Variants in PPP3CA observed in about 807,000 individuals in gnomAD.
The protein encoded by PPP3CA is CAM-PRP catalytic subunit.
Under a neutral mutation model 66.5 loss-of-function variants are expected in PPP3CA, and 14 were observed. That is an observed-to-expected ratio of 0.21 (90% confidence interval 0.14 to 0.33). The LOEUF (loss-of-function observed/expected upper bound fraction) is 0.33. Ranked by LOEUF, PPP3CA falls within the 10% of genes least tolerant of loss-of-function variation. The pLI is 1.00. For missense variants in PPP3CA, 317 were observed against 639.5 expected (o/e 0.50, Z 5.44); for synonymous variants, 232 against 226.2 (o/e 1.03, Z -0.23).
At chr4:101,129,458 C>A (rs886282062) in intron 2 of PPP3CA, among the ~76,000 whole-genome samples, 1 of 152,172 alleles carries the variant, frequency 6.6e-6, no homozygotes, top group East Asian at 1.9e-4. Context: ...CTGGGAGACA[C>A]CTCCCAGCAG....
chr4:101,167,748 G>C (rs1393442597), intron 2 of PPP3CA, among the ~76,000 whole-genome samples: 1 of 152,074 alleles, frequency 6.6e-6, no homozygotes, highest in Admixed American at 6.6e-5. Flanking sequence ...AGAAGGTCAG[G>C]GCTGGTATAA....
chr4:101,333,572 T>C (rs1729519647), intron 1 of PPP3CA, among the ~76,000 whole-genome samples: 1 of 152,114 alleles, frequency 6.6e-6, no homozygotes, highest in African/African-American at 2.4e-5. Flanking sequence ...ATGTCTTGTA[T>C]AGCGCTAGGC....
intron 1 of PPP3CA, among the ~76,000 whole-genome samples, chr4:101,227,389 G>A (rs376259918): frequency 1.3e-5 from 2 of 151,654 alleles, no homozygotes; most frequent in African/African-American, 4.8e-5. Flanking sequence ...GAGTACAATT[G>A]TTGATCAACT....
intron 9 of PPP3CA, among the ~76,000 whole-genome samples, chr4:101,062,826 G>A (rs1578412970): frequency 6.6e-6 from 1 of 151,948 alleles, no homozygotes; most frequent in African/African-American, 2.4e-5. Flanking sequence ...AATGTAAGGA[G>A]AGCATGGCTA....
intron 1 of PPP3CA, among the ~76,000 whole-genome samples, chr4:101,341,232 G>T (rs1729806451): frequency 7.3e-6 from 1 of 137,312 alleles, no homozygotes; most frequent in Non-Finnish European, 1.5e-5. Flanking sequence ...TAAGAGATAT[G>T]GTCTTGCTAT....
chr4:101,106,593 C>G (rs183707574), intron 3 of PPP3CA, among the ~76,000 whole-genome samples: 89 of 152,166 alleles, frequency 5.8e-4, no homozygotes, highest in African/African-American at 2.1e-3. Context: ...TGTTTATTGC[C>G]TACCACAGTC....
At chr4:101,291,944 T>C (rs1237979422) in intron 1 of PPP3CA, among the ~76,000 whole-genome samples, 2 of 152,046 alleles carry the variant, frequency 1.3e-5, no homozygotes, top group Non-Finnish European at 2.9e-5. Flanking sequence ...GCCTGGGCAA[T>C]GTGACGAAAC....
At chr4:101,198,025 C>T (rs1415689329) in intron 1 of PPP3CA, among the ~76,000 whole-genome samples, 1 of 151,932 alleles carries the variant, frequency 6.6e-6, no homozygotes, top group Non-Finnish European at 1.5e-5. Context: ...TTTTATTTTC[C>T]AAAAGTTATT....
At chr4:101,227,564 T>C (rs1465194116) in intron 1 of PPP3CA, among the ~76,000 whole-genome samples, 2 of 151,724 alleles carry the variant, frequency 1.3e-5, no homozygotes, top group African/African-American at 2.4e-5. Context: ...GGCCTTTTCT[T>C]TTTTTAAAAA....
At chr4:101,064,785 C>T (rs1260836996) in intron 8 of PPP3CA, among the ~76,000 whole-genome samples, 1 of 152,056 alleles carries the variant, frequency 6.6e-6, no homozygotes, top group Non-Finnish European at 1.5e-5. Flanking sequence ...GTAATATAAT[C>T]ATCTAGGTTG....
At chr4:101,237,853 A>G (rs1726176962) in intron 1 of PPP3CA, among the ~76,000 whole-genome samples, 1 of 152,026 alleles carries the variant, frequency 6.6e-6, no homozygotes, top group South Asian at 2.1e-4. Flanking sequence ...GCTGCTGACT[A>G]CTCACAGCTG....
intron 1 of PPP3CA, among the ~76,000 whole-genome samples, chr4:101,312,314 C>T (rs1356386797): frequency 6.6e-6 from 1 of 151,938 alleles, no homozygotes; most frequent in Non-Finnish European, 1.5e-5. Flanking sequence ...GCAATAAAAT[C>T]ATCATAAAGT....
At position 101,346,000 on chromosome 4, in the gene PPP3CA, C is replaced by A. The variant is rs144793981; in HGVS notation, c.58+739G>T. ...GAGAAGTGGTTTTCGTGTCTCTCCC[C>A]GGGGCGTGCGGGGGAAATCCCGGGG... On this transcript the variant is annotated intron_variant, in intron 1 of 13. Coordinates refer to ENST00000394854, the MANE Select transcript of PPP3CA (RefSeq NM_000944.5). 3.1e-3 allele frequency among the ~76,000 whole-genome samples: 468 copies of A among 152,252 alleles called. 2 individuals are homozygous for A. The highest frequency in any genetic ancestry group is 0.02 in the Middle Eastern group (6 of 294).
intron 1 of PPP3CA, among the ~76,000 whole-genome samples, chr4:101,284,459 C>A (rs901250804): frequency 1.3e-5 from 2 of 152,080 alleles, no homozygotes; most frequent in Non-Finnish European, 2.9e-5. Flanking sequence ...TTGTAACTTG[C>A]TTTTGTTTCT....
chr4:101,306,154 T>C (rs972658188), intron 1 of PPP3CA, among the ~76,000 whole-genome samples: 4 of 152,156 alleles, frequency 2.6e-5, no homozygotes, highest in Admixed American at 2.6e-4. Context: ...GAACATCTAT[T>C]GTTTGGCTAG....
intron 2 of PPP3CA, among the ~76,000 whole-genome samples, chr4:101,182,188 A>C (rs1291748150): frequency 6.6e-6 from 1 of 152,198 alleles, no homozygotes; most frequent in Admixed American, 6.6e-5. Context: ...TGAATGAAAC[A>C]ATCATTAAGT....
intron 1 of PPP3CA, among the ~76,000 whole-genome samples, chr4:101,271,492 T>C (rs914017449): frequency 8.5e-5 from 13 of 152,224 alleles, no homozygotes; most frequent in South Asian, 4.2e-4. Context: ...GCAGTGGGCA[T>C]TAGGAATTGC....
intron 1 of PPP3CA, among the ~76,000 whole-genome samples, chr4:101,236,758 A>C (rs950312473): frequency 6.6e-6 from 1 of 151,886 alleles, no homozygotes; most frequent in African/African-American, 2.4e-5. Flanking sequence ...TTTGCTAAGA[A>C]AATTTCTGGA....
chr4:101,039,408 G>A (rs1474518178), intron 11 of PPP3CA, among the ~76,000 whole-genome samples: 2 of 145,006 alleles, frequency 1.4e-5, no homozygotes, highest in Non-Finnish European at 3.1e-5. Flanking sequence ...TGGCATGAAT[G>A]AATAAGCCCT....
Sources: gnomAD v4.1 joint callset for allele counts (sites outside exome capture counted in the v4.1 genomes callset) on GRCh38, gnomAD v4.1.1 for gene constraint, MANE v1.5 for transcripts, NCBI Gene and HGNC (gene_info 2026-07-23, HGNC 2026-07-21) for gene names.